COG5: variants seen among roughly 807,000 people sequenced by gnomAD.
COG5 encodes component of oligomeric golgi complex 5, also known as conserved oligomeric Golgi complex subunit 5.
Under a neutral mutation model 110.4 loss-of-function variants are expected in COG5, and 86 were observed. The observed-to-expected ratio is 0.78, with a 90% CI of 0.65 to 0.93. The LOEUF (loss-of-function observed/expected upper bound fraction) is 0.93. COG5 is among the 40% of genes least tolerant of loss of function. The probability of loss-of-function intolerance (pLI) is 0.00; values close to 1 mark genes in which losing one functional copy is unlikely to be tolerated. For synonymous variants in COG5, 360 were observed against 334.6 expected (o/e 1.08, Z -0.83); for missense variants, 1,077 against 987.0 (o/e 1.09, Z -1.22).
At position 107,333,290 on chromosome 7, in the gene COG5, T is replaced by C. The variant is rs150920174; in HGVS notation, c.1027-8769A>G. ...ATAAAAATTTCTCTTTGTTGAAAAATAGCCTTCGAGGGGAAACATTTTGCT... is the reference window on the plus strand; with the variant it reads ...ATAAAAATTTCTCTTTGTTGAAAAACAGCCTTCGAGGGGAAACATTTTGCT... On this transcript the variant is annotated intron_variant, in intron 10 of 21. Transcript: ENST00000297135. Among the ~76,000 whole-genome samples the C allele has an allele frequency of 9.5e-4, 144 of 152,166 alleles. 5 individuals are homozygous for C. The East Asian group carries it at 0.026, about 28-fold the overall frequency.
chr7:107,290,116 G>A lies in COG5; in HGVS notation c.1314-6384C>T, dbSNP rs574051632. On this transcript the variant is annotated intron_variant, in intron 12 of 21. Coordinates refer to ENST00000297135, the MANE Select transcript of COG5 (RefSeq NM_006348.5). ...CAGATTTGATGAACATGAAACAAAT[G>A]CATAACTGACTGTTCCTGTACCCTC... 2.0e-5 allele frequency among the ~76,000 whole-genome samples: 3 copies of A among 152,276 alleles called. No individual in the cohort carries two copies. The East Asian group carries it at 5.8e-4, about 29-fold the overall frequency.
rs143594628 is a variant in COG5 at position 107,396,749 on chromosome 7, C to T, written c.669+15753G>A. Among the ~76,000 whole-genome samples, 952 of 152,076 alleles carry T rather than the reference C, an allele frequency of 6.3e-3. 15 individuals are homozygous for T. Among genetic ancestry groups the T allele is most frequent in the African/African-American group, 0.022 (907 of 41,488 alleles). ...GACATTCTAACAAGTCATAGTTTGG[C>T]ATTAAAGTTTTTAAATAATGTCAAT... is the stretch of plus-strand genomic sequence containing the variant. On this transcript the variant is annotated intron_variant, in intron 7 of 21. Coordinates refer to ENST00000297135, the MANE Select transcript of COG5 (RefSeq NM_006348.5).
chr7:107,326,938 G>A (rs944839314), intron 10 of COG5, among the ~76,000 whole-genome samples: 2 of 152,114 alleles, frequency 1.3e-5, no homozygotes, highest in Non-Finnish European at 2.9e-5. Flanking sequence ...GCTACTTGGA[G>A]GATGAGGTGG....
chr7:107,344,238 A>G (rs1278466576), intron 10 of COG5, among the ~76,000 whole-genome samples: 4 of 152,202 alleles, frequency 2.6e-5, no homozygotes, highest in Non-Finnish European at 5.9e-5. Context: ...GATTTTAGCT[A>G]GATCTTCTCA....
Position 107,345,104 on chromosome 7 carries a change from G to A in COG5, c.1026+16929C>T, listed in dbSNP as rs1754807191. 2.0e-5 allele frequency among the ~76,000 whole-genome samples: 3 copies of A among 152,104 alleles called. 1 individual carries two copies. The highest frequency in any genetic ancestry group is 6.5e-5 in the Admixed American group (1 of 15,268). ...ATATTGTTGTGTCTCAGGAAACAGG[G>A]AAGCCTGAGGAGAGTGACAGGGTTG... On this transcript the variant is annotated intron_variant, in intron 10 of 21. Transcript: ENST00000297135.
chr7:107,463,904 C>T (rs1357852026), intron 6 of COG5, among the ~76,000 whole-genome samples: 3 of 152,062 alleles, frequency 2.0e-5, no homozygotes, highest in Non-Finnish European at 4.4e-5. Context: ...TGCTAGAACT[C>T]CACCCTGCAG....
intron 5 of COG5, among the ~76,000 whole-genome samples, chr7:107,539,941 A>C (rs1295115766): frequency 1.3e-5 from 2 of 152,224 alleles, no homozygotes; most frequent in Admixed American, 1.3e-4. Context: ...ATTGTCTCAG[A>C]TTACCACTGG....
chr7:107,279,503 A>G (rs944428356), intron 14 of COG5, among the ~76,000 whole-genome samples: 57 of 152,304 alleles, frequency 3.7e-4, no homozygotes, highest in African/African-American at 1.3e-3. Flanking sequence ...TTTTCAGTCA[A>G]ATTATTCTAA....
chr7:107,255,137 T>G (rs891349895), intron 16 of COG5, among the ~76,000 whole-genome samples: 2 of 152,266 alleles, frequency 1.3e-5, no homozygotes, highest in East Asian at 3.9e-4. Flanking sequence ...TAGTTACTGC[T>G]AGAAGAAAAA....
intron 6 of COG5, among the ~76,000 whole-genome samples, chr7:107,464,223 C>A (rs1346613969): frequency 6.6e-6 from 1 of 152,202 alleles, no homozygotes; most frequent in Non-Finnish European, 1.5e-5. Flanking sequence ...TATACTTAGT[C>A]TACCCAAAGC....
intron 14 of COG5, among the ~76,000 whole-genome samples, chr7:107,274,295 C>A (rs979766103): frequency 3.3e-5 from 5 of 152,098 alleles, no homozygotes; most frequent in East Asian, 3.9e-4. Flanking sequence ...CATAGCGAAA[C>A]CCTGTCTCTA....
At chr7:107,342,682 AC>A (rs1177454527) in intron 10 of COG5, among the ~76,000 whole-genome samples, 13 of 151,986 alleles carry the variant, frequency 8.6e-5, no homozygotes, top group African/African-American at 3.1e-4. Flanking sequence ...TGTCTCAAAA[AC>A]AAAAAACCAA....
At chr7:107,541,329 T>C (rs1801968598) in intron 5 of COG5, among the ~76,000 whole-genome samples, 1 of 149,792 alleles carries the variant, frequency 6.7e-6, no homozygotes, top group African/African-American at 2.5e-5. Context: ...GAACCCGGTC[T>C]CTACAAAAAA....
chr7:107,358,204 T>G (rs1175377605), intron 10 of COG5, among the ~76,000 whole-genome samples: 1 of 152,180 alleles, frequency 6.6e-6, no homozygotes, highest in Non-Finnish European at 1.5e-5. Flanking sequence ...AATATTAAAT[T>G]GTTCAAAAGG....
At chr7:107,306,117 C>T (rs1807692715) in intron 11 of COG5, among the ~76,000 whole-genome samples, 1 of 152,090 alleles carries the variant, frequency 6.6e-6, no homozygotes, top group African/African-American at 2.4e-5. Flanking sequence ...TTTTCAAATA[C>T]TTATATACTG....
chr7:107,291,067 G>A (rs138443391), intron 12 of COG5, among the ~76,000 whole-genome samples: 5 of 152,220 alleles, frequency 3.3e-5, no homozygotes, highest in African/African-American at 1.2e-4. Flanking sequence ...CTTGGAGTTT[G>A]TTGAGCTTCC....
At chr7:107,498,192 G>A (rs574319454) in intron 6 of COG5, among the ~76,000 whole-genome samples, 2 of 152,276 alleles carry the variant, frequency 1.3e-5, no homozygotes, top group Admixed American at 1.3e-4. Context: ...AGAACGACAC[G>A]TGAGGAAAAA....
chr7:107,504,818 T>C (rs577515171), intron 6 of COG5, among the ~76,000 whole-genome samples: 2 of 152,346 alleles, frequency 1.3e-5, no homozygotes, highest in South Asian at 2.1e-4. Flanking sequence ...AAATGATCTA[T>C]TGCGTTCTGT....
chr7:107,364,905 T>C (rs923956576), intron 8 of COG5, among the ~76,000 whole-genome samples: 3 of 152,264 alleles, frequency 2.0e-5, no homozygotes, highest in Middle Eastern at 3.4e-3. Flanking sequence ...ATATTTGCAG[T>C]GCTATGCAAA....
Sources: gnomAD v4.1 joint callset for allele counts (sites outside exome capture counted in the v4.1 genomes callset) on GRCh38, gnomAD v4.1.1 for gene constraint, MANE v1.5 for transcripts, NCBI Gene and HGNC (gene_info 2026-07-23, HGNC 2026-07-21) for gene names.